FGD1: variants seen among roughly 807,000 people sequenced by gnomAD.
FGD1 encodes the protein FYVE, RhoGEF and PH domain-containing protein 1.
FGD1 carries 12 observed loss-of-function variants against 65.0 expected under a neutral mutation model. The observed-to-expected ratio is 0.18, with a 90% CI of 0.12 to 0.30. The LOEUF is 0.30. FGD1 is among the 10% of genes least tolerant of loss of function. The probability of loss-of-function intolerance (pLI) is 1.00; values close to 1 mark genes in which losing one functional copy is unlikely to be tolerated. For missense variants in FGD1, 542 were observed against 837.6 expected (o/e 0.65, Z 4.36); for synonymous variants, 333 against 343.9 (o/e 0.97, Z 0.35).
At chrX:54,490,406 C>CA (rs1023561977) in intron 1 of FGD1, among the ~76,000 whole-genome samples, 11 of 109,457 alleles carry the variant, frequency 1.0e-4, no homozygotes, top group Admixed American at 2.9e-4. Flanking sequence ...AAATGTTGTT[C>CA]AAAAAAAATA....
chrX:54,465,062 G>A (rs1922730598), intron 8 of FGD1, among the ~76,000 whole-genome samples: 1 of 107,762 alleles, frequency 9.3e-6, no homozygotes. Flanking sequence ...GAGTCTAGGG[G>A]TCAGCCTTGG....
At chrX:54,465,411 G>A (rs771677952) in intron 8 of FGD1, 40 bp downstream of exon 8, 2 of 1,186,248 alleles carry the variant, frequency 1.7e-6, no homozygotes, top group South Asian at 3.8e-5. Context: ...AGAGCTATTA[G>A]TGTGGAGAAG....
chrX:54,466,876 A>C (rs1481357759), intron 6 of FGD1, among the ~76,000 whole-genome samples: 1 of 108,598 alleles, frequency 9.2e-6, no homozygotes, highest in Non-Finnish European at 1.9e-5. Context: ...CAGCCTCCCG[A>C]GTAGCTGGGA....
rs761320562 is a variant in FGD1 at position 54,471,868 on chromosome X, C to A, written c.308-381G>T. 7.1e-5 allele frequency among the ~76,000 whole-genome samples: 8 copies of A among 112,069 alleles called. No homozygotes were observed. In the East Asian group the frequency reaches 2.2e-3, roughly 31 times the overall value. ...GGTATGCTGAGTATAAACCATTCTTCAACGCTTTTGTTAAGGCCCTGAGAA... is the reference window on the plus strand; with the variant it reads ...GGTATGCTGAGTATAAACCATTCTTAAACGCTTTTGTTAAGGCCCTGAGAA... On this transcript the variant is annotated intron_variant, in intron 1 of 17. Coordinates refer to ENST00000375135, the MANE Select transcript of FGD1 (RefSeq NM_004463.3).
At chrX:54,469,404 C>T (rs1204397841) in intron 4 of FGD1, among the ~76,000 whole-genome samples, 2 of 112,396 alleles carry the variant, frequency 1.8e-5, no homozygotes, top group African/African-American at 6.5e-5. Flanking sequence ...CATCAGACTA[C>T]AGATTAAATG....
chrX:54,460,383 T>C (rs978328180), intron 8 of FGD1, among the ~76,000 whole-genome samples: 1 of 110,595 alleles, frequency 9.0e-6, no homozygotes, highest in Non-Finnish European at 1.9e-5. Flanking sequence ...GAGACAGCAG[T>C]GAGCCAAGAT....
chrX:54,456,310 A>G lies in FGD1; in HGVS notation c.1752T>C (p.Ile584=), dbSNP rs1922501013. 23 of 1,209,009 alleles carry G rather than the reference A, an allele frequency of 1.9e-5. No homozygotes were observed. Among genetic ancestry groups the G allele is most frequent in the Non-Finnish European group, 2.5e-5 (22 of 894,926 alleles). The change falls in exon 10 of 18, where the codon ATT becomes ATC. Residue 584 remains isoleucine (I), a synonymous_variant. Coordinates refer to ENST00000375135, the MANE Select transcript of FGD1 (RefSeq NM_004463.3). ...TTATGAGCTCTTTGGTGGGGCTGACAATGTCCTCCTCGCCCCCTAACAGCT... is the reference window on the plus strand; with the variant it reads ...TTATGAGCTCTTTGGTGGGGCTGACGATGTCCTCCTCGCCCCCTAACAGCT... ...VYELLGGEED[I]VSPTKELIKE...
At chrX:54,476,524 A>T (rs1923024002) in intron 1 of FGD1, among the ~76,000 whole-genome samples, 1 of 108,438 alleles carries the variant, frequency 9.2e-6, no homozygotes, top group African/African-American at 3.4e-5. Context: ...GCTATTTTTA[A>T]TTTTTTTTGT....
intron 6 of FGD1, among the ~76,000 whole-genome samples, chrX:54,466,309 G>A (rs1922757232): frequency 9.1e-6 from 1 of 109,470 alleles, no homozygotes; most frequent in African/African-American, 3.3e-5. Context: ...CCTGGTCCCA[G>A]CCCTCAGGGT....
intron 1 of FGD1, among the ~76,000 whole-genome samples, chrX:54,493,997 T>C (rs1350461330): frequency 8.9e-6 from 1 of 112,784 alleles, no homozygotes; most frequent in Non-Finnish European, 1.9e-5. Context: ...GCTCTTCTTC[T>C]GTGGCTCCTG....
intron 1 of FGD1, among the ~76,000 whole-genome samples, chrX:54,489,038 A>G (rs1022437364): frequency 8.9e-6 from 1 of 112,473 alleles, no homozygotes. Flanking sequence ...CAAAAACAAA[A>G]ATTGACAAAT....
At chrX:54,483,238 C>T (rs1174117965) in intron 1 of FGD1, among the ~76,000 whole-genome samples, 7 of 111,691 alleles carry the variant, frequency 6.3e-5, no homozygotes, top group African/African-American at 2.3e-4. Context: ...CCCCAGCCTT[C>T]CCTGCCCCTC....
intron 16 of FGD1, among the ~76,000 whole-genome samples, chrX:54,448,187 T>A (rs1922284581): frequency 2.0e-5 from 2 of 99,215 alleles, no homozygotes; most frequent in South Asian, 4.3e-4. Context: ...AATTTTTAAA[T>A]TTTTTTTTTT....
At chrX:54,453,215 T>G (rs1444517235) in intron 12 of FGD1, among the ~76,000 whole-genome samples, 1 of 111,003 alleles carries the variant, frequency 9.0e-6, no homozygotes, top group African/African-American at 3.3e-5. Flanking sequence ...GCTCTCACTT[T>G]CCCTGCTGCA....
intron 17 of FGD1, among the ~76,000 whole-genome samples, chrX:54,446,616 C>T (rs1025644125): frequency 1.8e-5 from 2 of 110,301 alleles, no homozygotes; most frequent in African/African-American, 6.6e-5. Flanking sequence ...AAATACCTGT[C>T]TCCCCCCACC....
Position 54,487,394 on chromosome X carries a change from G to T in FGD1, c.307+7732C>A, listed in dbSNP as rs139022786. On this transcript the variant is annotated intron_variant, in intron 1 of 17. Coordinates refer to ENST00000375135, the MANE Select transcript of FGD1 (RefSeq NM_004463.3). ...TGGTGAAAACTCCCAAACATCACTGGCCCAGGCCTCTTTCCTGAACTTTCC... is the reference window on the plus strand; with the variant it reads ...TGGTGAAAACTCCCAAACATCACTGTCCCAGGCCTCTTTCCTGAACTTTCC... 3.9e-3 allele frequency among the ~76,000 whole-genome samples: 438 copies of T among 111,414 alleles called. 3 individuals are homozygous for T. Among genetic ancestry groups the T allele is most frequent in the African/African-American group, 0.014 (420 of 30,650 alleles).
chrX:54,465,392 G>T (rs1364667855), intron 8 of FGD1, 59 bp downstream of exon 8: 15 of 1,143,465 alleles, frequency 1.3e-5, no homozygotes, highest in Admixed American at 4.9e-5. Context: ...TGCCTCAGAG[G>T]TCTGGCCTAG....
At chrX:54,455,263 C>T (rs1922471819) in intron 12 of FGD1, among the ~76,000 whole-genome samples, 185 bp downstream of exon 12, 1 of 112,299 alleles carries the variant, frequency 8.9e-6, no homozygotes, top group Admixed American at 9.5e-5. Flanking sequence ...TCGTGAAGTA[C>T]TCACCCTGAA....
intron 12 of FGD1, 146 bp from the exon 13 acceptor site, chrX:54,450,447 C>A: frequency 1.8e-6 from 1 of 540,832 alleles, no homozygotes; most frequent in Admixed American, 2.8e-5. Flanking sequence ...TTGGGCAAGT[C>A]ACATAATCTG....
Sources: gnomAD v4.1 joint callset for allele counts (sites outside exome capture counted in the v4.1 genomes callset) on GRCh38, gnomAD v4.1.1 for gene constraint, MANE v1.5 for transcripts, NCBI Gene and HGNC (gene_info 2026-07-23, HGNC 2026-07-21) for gene names.